Variants in TNNI3K observed in about 807,000 individuals in gnomAD.
TNNI3K encodes the protein TNNI3 interacting kinase.
In TNNI3K, 140 loss-of-function variants were observed where a neutral mutation model predicts 114.5. That is an observed-to-expected ratio of 1.22 (90% CI 1.07 to 1.41). TNNI3K has a LOEUF of 1.41. TNNI3K is among the 40% of genes most tolerant of loss of function. The pLI is 0.00. For synonymous variants in TNNI3K, 347 were observed against 347.5 expected (o/e 1.00, Z 0.02); for missense variants, 1,125 against 1,007.6 (o/e 1.12, Z -1.58).
intron 5 of TNNI3K, among the ~76,000 whole-genome samples, chr1:74,325,632 A>G (rs1415996359): frequency 6.6e-6 from 1 of 152,178 alleles, no homozygotes; most frequent in African/African-American, 2.4e-5. Context: ...CCAGAGAAAT[A>G]TCCCTGGAGT....
At chr1:74,533,589 G>T (rs1403330879) in intron 23 of TNNI3K, among the ~76,000 whole-genome samples, 1 of 152,082 alleles carries the variant, frequency 6.6e-6, no homozygotes, top group Non-Finnish European at 1.5e-5. Flanking sequence ...TATAAATCAT[G>T]CTGCTATAAA....
chr1:74,260,942 T>C (rs1262602321), intron 4 of TNNI3K, among the ~76,000 whole-genome samples: 2 of 152,068 alleles, frequency 1.3e-5, no homozygotes, highest in African/African-American at 4.8e-5. Context: ...AAACAACCAG[T>C]GTTAAAGTTT....
At chr1:74,365,559 A>T (rs912606922) in intron 11 of TNNI3K, among the ~76,000 whole-genome samples, 1 of 152,002 alleles carries the variant, frequency 6.6e-6, no homozygotes, top group African/African-American at 2.4e-5. Flanking sequence ...TACCTCTCCA[A>T]CCAAATCTGA....
At chr1:74,271,975 AT>A (rs530924428) in intron 5 of TNNI3K, among the ~76,000 whole-genome samples, 25 of 151,924 alleles carry the variant, frequency 1.6e-4, no homozygotes, top group Non-Finnish European at 3.2e-4. Flanking sequence ...ACAACTTGCT[AT>A]TTTAACCTTG....
At chr1:74,385,917 C>T (rs1663451565) in intron 17 of TNNI3K, among the ~76,000 whole-genome samples, 2 of 152,174 alleles carry the variant, frequency 1.3e-5, no homozygotes, top group Admixed American at 1.3e-4. Context: ...GGTTGTGTTC[C>T]CACTCAAATC....
chr1:74,375,703 G>T, intron 17 of TNNI3K: 2 of 428,704 alleles, frequency 4.7e-6, no homozygotes, highest in South Asian at 3.2e-5. Context: ...CAACCAATCA[G>T]CAGTCCCCAC....
chr1:74,309,739 C>T (rs187551419), intron 5 of TNNI3K, among the ~76,000 whole-genome samples: 2 of 152,210 alleles, frequency 1.3e-5, no homozygotes, highest in Admixed American at 1.3e-4. Context: ...ACAGAAAAGG[C>T]ACTTGATAAA....
Position 74,369,226 on chromosome 1 carries a change from T to C in TNNI3K, c.1434T>C (p.Tyr478=). 6.2e-7 allele frequency: 1 copy of C among 1,611,872 alleles called. No homozygotes were observed. Among genetic ancestry groups the C allele is most frequent in the South Asian group, 1.1e-5 (1 of 90,802 alleles). ...IIGSGSFGKV[Y]KGRCRNKIVA... Reference sequence around the variant, plus strand: ...TTGTAGGTTCTTTTGGGAAAGTATATAAAGGACGATGCAGAAATAAAATAG... The same window carrying C: ...TTGTAGGTTCTTTTGGGAAAGTATACAAAGGACGATGCAGAAATAAAATAG... The change falls in exon 15 of 25, where the codon TAT becomes TAC. Residue 478 remains tyrosine (Y), a synonymous_variant. Transcript: ENST00000326637.
At position 74,436,075 on chromosome 1, in the gene TNNI3K, T is replaced by A. The variant is rs758735969; in HGVS notation, c.1773-5T>A. On this transcript the variant is annotated splice_region_variant and splice_polypyrimidine_tract_variant and intron_variant, in intron 17 of 24. Transcript: ENST00000326637. ...GTCTACTTTTTTTTTTTTTTTTTTT[T>A]ACAGTCACAATATTCTTCTCTATGA... 2 of 1,541,046 alleles carry A rather than the reference T, an allele frequency of 1.3e-6. No individual in the cohort carries two copies. The highest frequency in any genetic ancestry group is 2.3e-5 in the East Asian group (1 of 43,066).
chr1:74,340,372 T>C (rs1660691886), intron 7 of TNNI3K, among the ~76,000 whole-genome samples: 1 of 152,206 alleles, frequency 6.6e-6, no homozygotes, highest in African/African-American at 2.4e-5. Context: ...TAGAATGTTA[T>C]TCATGCATTC....
chr1:74,533,833 G>A (rs1049086716), intron 23 of TNNI3K, among the ~76,000 whole-genome samples: 8 of 152,268 alleles, frequency 5.3e-5, no homozygotes, highest in South Asian at 2.1e-4. Context: ...AACACCGCAT[G>A]TTCTCACTCA....
At chr1:74,491,261 C>G (rs1156291187) in intron 22 of TNNI3K, among the ~76,000 whole-genome samples, 1 of 152,158 alleles carries the variant, frequency 6.6e-6, no homozygotes, top group Non-Finnish European at 1.5e-5. Context: ...CGCTCTGTCT[C>G]CAGGCTGGAG....
intron 23 of TNNI3K, among the ~76,000 whole-genome samples, chr1:74,510,950 C>T (rs542128592): frequency 1.3e-5 from 2 of 152,330 alleles, no homozygotes; most frequent in South Asian, 2.1e-4. Context: ...TACAATGGTG[C>T]GATCTTGGCT....
chr1:74,314,672 C>T (rs185947913), intron 5 of TNNI3K, among the ~76,000 whole-genome samples: 3 of 152,112 alleles, frequency 2.0e-5, no homozygotes, highest in Non-Finnish European at 2.9e-5. Flanking sequence ...TATAAATATT[C>T]CTGAAAATGT....
At chr1:74,332,976 A>AAAAAAAAAAAAAAAAGAG (rs57556485) in intron 6 of TNNI3K, among the ~76,000 whole-genome samples, 9 of 90,706 alleles carry the variant, frequency 9.9e-5, no homozygotes, top group South Asian at 8.5e-4. Context: ...AAAAAAAAAA[A>AAAAAAAAAAAAAAAAGAG]AGAGAGAGAC....
intron 21 of TNNI3K, chr1:74,471,605 TAGTC>T (rs1667935295): frequency 5.0e-6 from 2 of 400,676 alleles, no homozygotes; most frequent in Non-Finnish European, 8.8e-6. Context: ...ACATCCAACT[TAGTC>T]AGTTGGTTAC....
At chr1:74,343,216 A>C in intron 9 of TNNI3K, 37 bp downstream of exon 9, 1 of 1,573,482 alleles carries the variant, frequency 6.4e-7, no homozygotes, top group Non-Finnish European at 8.6e-7. Flanking sequence ...CACTAAACTT[A>C]GCTGACACTC....
At chr1:74,507,481 G>A (rs112800844) in intron 23 of TNNI3K, among the ~76,000 whole-genome samples, 5 of 152,130 alleles carry the variant, frequency 3.3e-5, no homozygotes, top group African/African-American at 1.2e-4. Flanking sequence ...CTTGAAGCCA[G>A]GAACTGTGTC....
intron 23 of TNNI3K, among the ~76,000 whole-genome samples, chr1:74,504,723 A>G (rs1159120044): frequency 3.3e-5 from 5 of 152,112 alleles, no homozygotes; most frequent in African/African-American, 1.2e-4. Flanking sequence ...TTAGGTTACA[A>G]CATATCCACC....
Sources: allele counts gnomAD v4.1 joint callset (sites outside exome capture counted in the v4.1 genomes callset), GRCh38; gene constraint gnomAD v4.1.1; transcripts MANE v1.5; gene names NCBI Gene and HGNC (gene_info 2026-07-23, HGNC 2026-07-21).